The following FIP1L1 variants were observed in gnomAD, a reference collection of about 807,000 sequenced individuals.
FIP1L1 encodes pre-mRNA 3'-end-processing factor FIP1.
FIP1L1 carries 21 observed loss-of-function variants against 84.6 expected under a neutral mutation model. That is an observed-to-expected ratio of 0.25 (90% CI 0.18 to 0.36). The LOEUF is 0.36. FIP1L1 is among the 10% of genes least tolerant of loss of function. The pLI, the probability that FIP1L1 is intolerant of heterozygous loss-of-function variation, is 1.00. For missense variants in FIP1L1, 526 were observed against 751.1 expected (o/e 0.70, Z 3.50); for synonymous variants, 263 against 242.3 (o/e 1.09, Z -0.80).
chr4:53,400,615 T>C (rs1749715769), intron 10 of FIP1L1, among the ~76,000 whole-genome samples: 1 of 152,224 alleles, frequency 6.6e-6, no homozygotes, highest in Admixed American at 6.5e-5. Context: ...TTTTTGTTAT[T>C]CTACAGTTTT....
intron 10 of FIP1L1, among the ~76,000 whole-genome samples, chr4:53,406,944 T>C (rs186163549): frequency 6.6e-6 from 1 of 152,342 alleles, no homozygotes; most frequent in African/African-American, 2.4e-5. Flanking sequence ...ATTTTGTTGA[T>C]CTTTTCAAAA....
At chr4:53,449,596 C>T (rs1358576184) in intron 15 of FIP1L1, among the ~76,000 whole-genome samples, 1 of 151,838 alleles carries the variant, frequency 6.6e-6, no homozygotes, top group African/African-American at 2.4e-5. Flanking sequence ...TTTATACTGC[C>T]CTTACCTGAT....
intron 11 of FIP1L1, among the ~76,000 whole-genome samples, chr4:53,415,374 A>G (rs755320153): frequency 2.0e-5 from 3 of 152,156 alleles, no homozygotes; most frequent in Non-Finnish European, 4.4e-5. Flanking sequence ...ATGAGAAACA[A>G]CTATGTTCCA....
chr4:53,421,543 T>G (rs556610590), intron 11 of FIP1L1, among the ~76,000 whole-genome samples: 144 of 152,318 alleles, frequency 9.5e-4, no homozygotes, highest in Non-Finnish European at 1.7e-3. Context: ...CAGCCATCTA[T>G]TTACATATGT....
intron 5 of FIP1L1, among the ~76,000 whole-genome samples, chr4:53,385,050 T>C (rs945414211): frequency 7.2e-5 from 11 of 152,104 alleles, no homozygotes; most frequent in Admixed American, 3.9e-4. Context: ...CTAGCACCTT[T>C]TTAGGGAACA....
intron 10 of FIP1L1, among the ~76,000 whole-genome samples, chr4:53,412,439 A>T (rs557775715): frequency 1.3e-5 from 2 of 152,208 alleles, no homozygotes; most frequent in African/African-American, 4.8e-5. Flanking sequence ...CGTTAAATTT[A>T]ACTATTTTAT....
intron 11 of FIP1L1, among the ~76,000 whole-genome samples, chr4:53,425,078 T>C (rs1372720807): frequency 6.6e-6 from 1 of 152,162 alleles, no homozygotes; most frequent in Non-Finnish European, 1.5e-5. Flanking sequence ...AACTGAAATA[T>C]AGATGAAGAG....
At chr4:53,406,097 G>A (rs1305736478) in intron 10 of FIP1L1, among the ~76,000 whole-genome samples, 1 of 152,086 alleles carries the variant, frequency 6.6e-6, no homozygotes, top group East Asian at 1.9e-4. Flanking sequence ...AGTTTTCAAA[G>A]GGAATGCTTC....
At chr4:53,455,004 T>A (rs1345093686) in intron 16 of FIP1L1, among the ~76,000 whole-genome samples, 1 of 152,212 alleles carries the variant, frequency 6.6e-6, no homozygotes, top group African/African-American at 2.4e-5. Context: ...TTATGTTATA[T>A]AGATAGTGTC....
chr4:53,450,273 G>A (rs1189322609), intron 15 of FIP1L1, among the ~76,000 whole-genome samples: 1 of 152,044 alleles, frequency 6.6e-6, no homozygotes, highest in Non-Finnish European at 1.5e-5. Context: ...TTAAATTTAT[G>A]ATGTTTTTGA....
chr4:53,453,525 TG>T (rs1425472950), intron 16 of FIP1L1, among the ~76,000 whole-genome samples: 2 of 152,194 alleles, frequency 1.3e-5, no homozygotes, highest in Non-Finnish European at 2.9e-5. Context: ...CCAGGCTGGC[TG>T]GAGTTCAGTG....
chr4:53,377,893 G>A lies in FIP1L1; in HGVS notation c.55G>A (p.Gly19Arg). Residue 19 changes from glycine to arginine, a missense_variant, in exon 1 of 18, where the codon GGG (glycine) becomes AGG (arginine). Physicochemically the swap from Gly to Arg is moderately radical, Grantham distance 125. Transcript: ENST00000337488. ...LVSELSGGTG[G>R]DEEEEWLYGG... The stretch of plus-strand genomic sequence containing the variant: ...GTCGGAGCTGAGCGGCGGGACCGGA[G>A]GGGATGAGGAGGAAGAGTGGCTCTA... 1.9e-6 allele frequency: 3 copies of A among 1,601,324 alleles called. No homozygotes were observed. The highest frequency in any genetic ancestry group is 2.6e-6 in the Non-Finnish European group (3 of 1,173,948).
At chr4:53,445,670 G>T (rs925725501) in intron 15 of FIP1L1, among the ~76,000 whole-genome samples, 1 of 152,190 alleles carries the variant, frequency 6.6e-6, no homozygotes, top group South Asian at 2.1e-4. Context: ...TTCTCATGCA[G>T]TTTCCTCTGG....
chr4:53,391,877 A>G (rs556780251), intron 9 of FIP1L1, among the ~76,000 whole-genome samples: 2 of 152,342 alleles, frequency 1.3e-5, no homozygotes, highest in Admixed American at 1.3e-4. Flanking sequence ...ATGGTAAGGA[A>G]GGTGGCATAC....
chr4:53,434,832 C>G (rs1046364125), intron 13 of FIP1L1, among the ~76,000 whole-genome samples: 1 of 152,112 alleles, frequency 6.6e-6, no homozygotes, highest in African/African-American at 2.4e-5. Context: ...CAGGGACCTC[C>G]GGGAATTCCT....
intron 15 of FIP1L1, among the ~76,000 whole-genome samples, chr4:53,448,583 TC>T (rs1415207949): frequency 6.6e-6 from 1 of 152,134 alleles, no homozygotes; most frequent in African/African-American, 2.4e-5. Flanking sequence ...TGTTACTATC[TC>T]CATTTTATAG....
chr4:53,416,064 T>C (rs1184490056), intron 11 of FIP1L1, among the ~76,000 whole-genome samples: 3 of 152,202 alleles, frequency 2.0e-5, no homozygotes, highest in African/African-American at 7.2e-5. Context: ...TTATTTTAAA[T>C]AAAGAAAAGT....
At chr4:53,421,589 T>A (rs13435378) in intron 11 of FIP1L1, among the ~76,000 whole-genome samples, 17,282 of 152,242 alleles carry the variant, frequency 0.11, 1,845 homozygotes, top group South Asian at 0.28. Flanking sequence ...TGCATCTCTT[T>A]TCAAGTTGGG....
intron 5 of FIP1L1, among the ~76,000 whole-genome samples, chr4:53,385,280 A>G (rs140615687): frequency 6.6e-6 from 1 of 152,290 alleles, no homozygotes; most frequent in East Asian, 1.9e-4. Context: ...CAAGTTATAG[A>G]ACAACTTGAA....
Sources: allele counts gnomAD v4.1 joint callset (sites outside exome capture counted in the v4.1 genomes callset), GRCh38; gene constraint gnomAD v4.1.1; transcripts MANE v1.5; gene names NCBI Gene and HGNC (gene_info 2026-07-23, HGNC 2026-07-21).